The following RABGAP1L variants were observed in gnomAD, a reference collection of about 807,000 sequenced individuals.
RABGAP1L encodes the protein RAB GTPase activating protein 1 like.
RABGAP1L carries 63 observed loss-of-function variants against 137.7 expected under a neutral mutation model. The observed-to-expected ratio is 0.46, with a 90% CI of 0.37 to 0.56. The LOEUF is 0.56. RABGAP1L is among the 20% of genes least tolerant of loss of function. The probability of loss-of-function intolerance (pLI) is 0.00; values close to 1 mark genes in which losing one functional copy is unlikely to be tolerated. For synonymous variants in RABGAP1L, 431 were observed against 433.7 expected, an observed-to-expected ratio of 0.99 and a Z score of 0.08; for missense variants, 1,095 against 1,244.0, an observed-to-expected ratio of 0.88 and a Z score of 1.80.
chr1:174,813,210 G>C lies in RABGAP1L; in HGVS notation c.2340+1250G>C, dbSNP rs972032099. ...CAGGAGATTTTGGAGTAATCCTCTT[G>C]AGAGATGATGATAGACTGAACCAGG... On this transcript the variant is annotated intron_variant, in intron 19 of 25. Coordinates refer to ENST00000681986, the MANE Select transcript of RABGAP1L (RefSeq NM_001366446.1). Among the ~76,000 whole-genome samples, 14 of 152,290 alleles carry C rather than the reference G, an allele frequency of 9.2e-5. No individual in the cohort carries two copies. The South Asian group carries it at 2.9e-3, about 32-fold the overall frequency.
intron 13 of RABGAP1L, among the ~76,000 whole-genome samples, chr1:174,635,258 C>G (rs570211330): frequency 2.6e-5 from 4 of 151,986 alleles, no homozygotes; most frequent in African/African-American, 4.8e-5. Flanking sequence ...CTGAAAAGTA[C>G]AAAAAGAGTT....
At chr1:174,159,720 A>G (rs1664253130) in intron 1 of RABGAP1L, 63 bp downstream of exon 1, 1 of 152,422 alleles carries the variant, frequency 6.6e-6, no homozygotes, top group African/African-American at 2.4e-5. Context: ...CCGCGGGCCG[A>G]GGCTGCCTGG....
At chr1:174,722,340 G>A (rs912627262) in intron 17 of RABGAP1L, among the ~76,000 whole-genome samples, 1 of 152,054 alleles carries the variant, frequency 6.6e-6, no homozygotes, top group African/African-American at 2.4e-5. Context: ...TACACGAATG[G>A]TATATTATAT....
intron 1 of RABGAP1L, among the ~76,000 whole-genome samples, chr1:174,168,979 A>G (rs1276284899): frequency 2.0e-5 from 3 of 152,192 alleles, no homozygotes; most frequent in African/African-American, 7.2e-5. Context: ...ACCATTCTGT[A>G]TGTCCATGTG....
chr1:174,626,363 G>T (rs529764192), intron 13 of RABGAP1L, among the ~76,000 whole-genome samples: 1 of 152,264 alleles, frequency 6.6e-6, no homozygotes, highest in East Asian at 1.9e-4. Flanking sequence ...TTTTCCACTG[G>T]AATCCCAGCA....
intron 18 of RABGAP1L, among the ~76,000 whole-genome samples, chr1:174,764,722 T>G (rs1685522331): frequency 6.6e-6 from 1 of 152,184 alleles, no homozygotes; most frequent in Non-Finnish European, 1.5e-5. Context: ...TCCTTCTGCC[T>G]CAGCCTCCAA....
intron 10 of RABGAP1L, among the ~76,000 whole-genome samples, chr1:174,282,974 G>T (rs530261339): frequency 1.3e-5 from 2 of 152,256 alleles, no homozygotes; most frequent in East Asian, 3.9e-4. Context: ...ACACAGTCTT[G>T]CTCATTATAA....
chr1:174,942,704 G>A (rs549677891), intron 19 of RABGAP1L, among the ~76,000 whole-genome samples: 1 of 152,344 alleles, frequency 6.6e-6, no homozygotes, highest in South Asian at 2.1e-4. Flanking sequence ...AGTGCTGGAT[G>A]TGTTTGCTGT....
intron 19 of RABGAP1L, among the ~76,000 whole-genome samples, chr1:174,883,528 G>C (rs942051570): frequency 1.2e-4 from 18 of 152,210 alleles, no homozygotes; most frequent in African/African-American, 4.3e-4. Context: ...CAGGAAACTT[G>C]AAGCCTTCTG....
intron 18 of RABGAP1L, among the ~76,000 whole-genome samples, chr1:174,757,788 G>T (rs1684881261): frequency 6.6e-6 from 1 of 151,792 alleles, no homozygotes; most frequent in Non-Finnish European, 1.5e-5. Flanking sequence ...TGACACTTTA[G>T]GGGGCCAAGG....
At chr1:174,672,277 C>CT (rs1677240113) in intron 14 of RABGAP1L, among the ~76,000 whole-genome samples, 1 of 116,754 alleles carries the variant, frequency 8.6e-6, no homozygotes, top group Non-Finnish European at 1.7e-5. Flanking sequence ...TTTTTTTTTC[C>CT]TTTCTTTTTT....
In RABGAP1L at chr1:174,214,380, G is replaced by A. The variant is rs144154943; in HGVS notation, c.-33-4745G>A. ...GATATTCCATGTTCATGGGTTGGAG[G>A]AACCAATATTGTTAAAATGTCCATA... On this transcript the variant is annotated intron_variant, in intron 1 of 25. Transcript: ENST00000681986. Among the ~76,000 whole-genome samples, 937 of 152,086 alleles carry A rather than the reference G, an allele frequency of 6.2e-3. 1 individual carries two copies. Among genetic ancestry groups the A allele is most frequent in the Middle Eastern group, 0.017 (5 of 294 alleles).
At chr1:174,984,318 C>T (rs930297997) in intron 24 of RABGAP1L, among the ~76,000 whole-genome samples, 3 of 152,128 alleles carry the variant, frequency 2.0e-5, no homozygotes, top group Non-Finnish European at 1.5e-5. Context: ...TTTTATTGAG[C>T]ATATACTATG....
intron 13 of RABGAP1L, among the ~76,000 whole-genome samples, chr1:174,450,585 A>AT (rs1655324228): frequency 6.6e-6 from 1 of 152,066 alleles, no homozygotes; most frequent in Admixed American, 6.6e-5. Context: ...AGCTGACAGT[A>AT]TTTTCTTTTG....
rs148641267 is a variant in RABGAP1L at position 174,500,350 on chromosome 1, C to T, written c.1710+106205C>T. 1.2e-3 allele frequency among the ~76,000 whole-genome samples: 177 copies of T among 152,124 alleles called. 1 individual carries two copies. Among genetic ancestry groups the T allele is most frequent in the African/African-American group, 4.2e-3 (173 of 41,484 alleles). ...CCTTCTCGGCCTCCCAAAGTGCTGG[C>T]ATTACAGGTGTGAGCCACTGAGCTC... On this transcript the variant is annotated intron_variant, in intron 13 of 25. Transcript: ENST00000681986.
At chr1:174,598,297 C>G (rs996228055) in intron 13 of RABGAP1L, among the ~76,000 whole-genome samples, 2 of 143,354 alleles carry the variant, frequency 1.4e-5, no homozygotes, top group Non-Finnish European at 3.0e-5. Context: ...CACTGCACTC[C>G]AGCCTGGCAG....
chr1:174,542,626 C>A (rs566163641), intron 13 of RABGAP1L, among the ~76,000 whole-genome samples: 1 of 152,104 alleles, frequency 6.6e-6, no homozygotes, highest in East Asian at 1.9e-4. Context: ...TATTTCTTGC[C>A]TTCTGCTGGC....
At chr1:174,715,612 A>G (rs1680933290) in intron 17 of RABGAP1L, among the ~76,000 whole-genome samples, 1 of 152,216 alleles carries the variant, frequency 6.6e-6, no homozygotes, top group African/African-American at 2.4e-5. Flanking sequence ...CAATTTAGAA[A>G]TAGGTTTTTC....
At position 174,360,325 on chromosome 1, in the gene RABGAP1L, A is replaced by C. The variant is rs188655549; in HGVS notation, c.1466-10654A>C. On this transcript the variant is annotated intron_variant, in intron 11 of 25. Coordinates refer to ENST00000681986, the MANE Select transcript of RABGAP1L (RefSeq NM_001366446.1). ...TCAGAAATATAAAACTCAGAAATAA[A>C]AGAAGTATTCTCTAAGTATTTAGTG... 3.3e-5 allele frequency among the ~76,000 whole-genome samples: 5 copies of C among 152,340 alleles called. No individual in the cohort carries two copies. In the East Asian group the frequency reaches 7.7e-4, roughly 23 times the overall value.
Sources: allele counts gnomAD v4.1 joint callset (sites outside exome capture counted in the v4.1 genomes callset), GRCh38; gene constraint gnomAD v4.1.1; transcripts MANE v1.5; gene names NCBI Gene and HGNC (gene_info 2026-07-23, HGNC 2026-07-21).